Variants in DAPK1 observed in about 807,000 individuals in gnomAD.
DAPK1 encodes the protein death associated protein kinase 1.
A neutral mutation model predicts 144.9 loss-of-function variants in DAPK1; 56 were observed. The ratio of observed to expected loss-of-function variants is 0.39; its 90% CI spans 0.31 to 0.48. The LOEUF (loss-of-function observed/expected upper bound fraction) is 0.48, where lower values mean the gene tolerates loss of function less well. Ranked by LOEUF, DAPK1 falls within the 20% of genes least tolerant of loss-of-function variation. DAPK1 has a pLI of 0.95. For missense variants in DAPK1, 1,454 were observed against 1,875.4 expected, an observed-to-expected ratio of 0.78 and a Z score of 4.15; for synonymous variants, 690 against 749.0, an observed-to-expected ratio of 0.92 and a Z score of 1.29.
chr9:87,631,236 C>T (rs373230233), intron 3 of DAPK1, among the ~76,000 whole-genome samples: 275 of 152,236 alleles, frequency 1.8e-3, no homozygotes, highest in South Asian at 2.5e-3. Context: ...ATAACCAAAG[C>T]GGATCCTAAA....
At chr9:87,668,402 C>T in intron 18 of DAPK1, 195 bp from the exon 19 acceptor site, 1 of 589,886 alleles carries the variant, frequency 1.7e-6, no homozygotes, top group Non-Finnish European at 3.0e-6. Context: ...TGCGTCTTAC[C>T]TTCCTGTCCT....
At chr9:87,590,829 T>A (rs1828106906) in intron 2 of DAPK1, among the ~76,000 whole-genome samples, 1 of 152,202 alleles carries the variant, frequency 6.6e-6, no homozygotes, top group Admixed American at 6.5e-5. Flanking sequence ...GCTCAAGGAA[T>A]TCTCCCACCT....
intron 19 of DAPK1, among the ~76,000 whole-genome samples, chr9:87,675,893 A>ACACC (rs1554702854): frequency 7.5e-6 from 1 of 133,618 alleles, no homozygotes; most frequent in African/African-American, 2.8e-5. Context: ...ACACACACAC[A>ACACC]CACCCTTATG....
At position 87,640,864 on chromosome 9, in the gene DAPK1, G is replaced by A. The variant is rs369349994; in HGVS notation, c.828+17G>A. The A allele has an allele frequency of 2.9e-5, 47 of 1,612,660 alleles. No individual in the cohort carries two copies. Among genetic ancestry groups the A allele is most frequent in the African/African-American group, 6.7e-5 (5 of 74,886 alleles). ...TGGATCAAGGTGAGTTGCATATTAC[G>A]AAACTGTTTAGATCACTTTCTATGT... On this transcript the variant is annotated intron_variant, in intron 9 of 25. Coordinates refer to ENST00000408954, the MANE Select transcript of DAPK1 (RefSeq NM_004938.4).
intron 18 of DAPK1, among the ~76,000 whole-genome samples, chr9:87,665,406 G>A (rs1429522627): frequency 1.3e-5 from 2 of 152,306 alleles, no homozygotes; most frequent in East Asian, 1.9e-4. Context: ...CTAAGTAGAT[G>A]AGCCCTTATA....
chr9:87,536,804 T>A (rs540826352), intron 2 of DAPK1, among the ~76,000 whole-genome samples: 10 of 152,180 alleles, frequency 6.6e-5, no homozygotes, highest in Non-Finnish European at 1.0e-4. Flanking sequence ...TTCTTTATTG[T>A]CTTGAATAGG....
intron 18 of DAPK1, 170 bp from the exon 19 acceptor site, chr9:87,668,427 A>T (rs934593083): frequency 1.6e-6 from 1 of 639,468 alleles, no homozygotes; most frequent in African/African-American, 1.8e-5. Flanking sequence ...AATCAAGTGA[A>T]ATAAGGATTG....
chr9:87,643,921 A>G (rs773089638), intron 11 of DAPK1, among the ~76,000 whole-genome samples: 46 of 152,152 alleles, frequency 3.0e-4, no homozygotes, highest in Non-Finnish European at 5.1e-4. Flanking sequence ...CAGAAGGGGC[A>G]GACAGCCGCC....
At chr9:87,620,588 G>GGAGGA (rs991194242) in intron 3 of DAPK1, among the ~76,000 whole-genome samples, 17 of 151,466 alleles carry the variant, frequency 1.1e-4, no homozygotes, top group African/African-American at 3.6e-4. Context: ...GAGGGAGAGG[G>GGAGGA]GAGGAGGAAG....
At chr9:87,504,175 T>G (rs1299601979) in intron 2 of DAPK1, among the ~76,000 whole-genome samples, 1 of 152,208 alleles carries the variant, frequency 6.6e-6, no homozygotes, top group African/African-American at 2.4e-5. Context: ...ATTTTTCCTC[T>G]TAGCATTTTT....
At chr9:87,537,627 A>G (rs1316163076) in intron 2 of DAPK1, among the ~76,000 whole-genome samples, 1 of 151,118 alleles carries the variant, frequency 6.6e-6, no homozygotes, top group Non-Finnish European at 1.5e-5. Flanking sequence ...AGATATATGT[A>G]TGTGGCATAT....
chr9:87,679,511 C>T (rs902845546), intron 19 of DAPK1, among the ~76,000 whole-genome samples: 1 of 152,124 alleles, frequency 6.6e-6, no homozygotes, highest in Non-Finnish European at 1.5e-5. Context: ...ATCACGTAAA[C>T]CTTGAGCAGG....
intron 2 of DAPK1, among the ~76,000 whole-genome samples, chr9:87,563,619 A>G (rs1460335624): frequency 2.0e-5 from 3 of 152,214 alleles, no homozygotes; most frequent in Non-Finnish European, 4.4e-5. Flanking sequence ...TGCTCTGTCA[A>G]GCCTCCTGGA....
At chr9:87,521,945 C>T (rs1241201004) in intron 2 of DAPK1, among the ~76,000 whole-genome samples, 2 of 152,124 alleles carry the variant, frequency 1.3e-5, no homozygotes, top group African/African-American at 4.8e-5. Context: ...CCACTGGTGG[C>T]TTTATAAGAG....
Position 87,703,101 on chromosome 9 carries a change from C to T in DAPK1, c.2944C>T (p.Pro982Ser), listed in dbSNP as rs1239503079. 2.5e-6 allele frequency: 4 copies of T among 1,600,600 alleles called. No homozygotes were observed. The highest frequency in any genetic ancestry group is 3.4e-6 in the Non-Finnish European group (4 of 1,167,770). The stretch of plus-strand genomic sequence containing the variant: ...GCCTTCCTGGAGGAAGCTCAATGGA[C>T]CCAACCAGCTGATGTCGCTGCAGCA... ...TLPSWRKLNG[P>S]NQLMSLQQFV... The change falls in exon 25 of 26, where the codon CCC becomes TCC. Residue 982 changes from proline to serine, a missense_variant. This residue lies in a region of DAPK1 where 1,025 missense variants were observed against 1,237.9 expected (regional missense o/e 0.83). Coordinates refer to ENST00000408954, the MANE Select transcript of DAPK1 (RefSeq NM_004938.4).
intron 24 of DAPK1, among the ~76,000 whole-genome samples, chr9:87,700,639 T>C (rs963989022): frequency 6.6e-6 from 1 of 152,018 alleles, no homozygotes; most frequent in African/African-American, 2.4e-5. Context: ...GCTAGGACTA[T>C]AGGCACGCAC....
chr9:87,650,898 A>G (rs868796951), intron 16 of DAPK1, among the ~76,000 whole-genome samples: 4 of 152,330 alleles, frequency 2.6e-5, no homozygotes, highest in South Asian at 4.2e-4. Context: ...CCAAATGCCA[A>G]TAGCGCTGAG....
At chr9:87,680,637 TCA>T (rs200231672) in intron 19 of DAPK1, among the ~76,000 whole-genome samples, 26 of 134,328 alleles carry the variant, frequency 1.9e-4, no homozygotes, top group Non-Finnish European at 3.0e-4. Context: ...AGTGTGGGGG[TCA>T]CACACACACA....
At chr9:87,505,031 A>G (rs1824534881) in intron 2 of DAPK1, among the ~76,000 whole-genome samples, 2 of 152,206 alleles carry the variant, frequency 1.3e-5, no homozygotes, top group South Asian at 2.1e-4. Context: ...GAGAGGCAAC[A>G]TTGGCTCTTC....
Sources: gnomAD v4.1 joint callset for allele counts (sites outside exome capture counted in the v4.1 genomes callset) on GRCh38, gnomAD v4.1.1 for gene constraint, gnomAD v4.1.1 regional missense constraint, MANE v1.5 for transcripts, NCBI Gene and HGNC (gene_info 2026-07-23, HGNC 2026-07-21) for gene names.